The following UNC13C variants were observed in gnomAD, a reference collection of about 807,000 sequenced individuals.
The protein encoded by UNC13C is unc-13 homolog C, also known as protein unc-13 homolog C.
UNC13C carries 174 observed loss-of-function variants against 245.4 expected under a neutral mutation model. That is an observed-to-expected ratio of 0.71 (90% CI 0.63 to 0.80). The LOEUF (loss-of-function observed/expected upper bound fraction) is 0.80. Among genes scored for constraint, UNC13C ranks in the 30% least tolerant of loss-of-function variants. UNC13C has a pLI of 0.00. For synonymous variants in UNC13C, 992 were observed against 895.1 expected (o/e 1.11, Z -1.93); for missense variants, 2,829 against 2,602.9 (o/e 1.09, Z -1.89).
At chr15:53,932,326 C>T in the UNC13C span, among the ~76,000 whole-genome samples, 1 of 151,032 alleles carries the variant, frequency 6.6e-6, no homozygotes, top group Non-Finnish European at 1.5e-5. Context: ...ACAACAACAA[C>T]AACAACAACA....
chr15:53,948,892 C>T, the UNC13C span, among the ~76,000 whole-genome samples: 1 of 151,982 alleles, frequency 6.6e-6, no homozygotes, highest in Non-Finnish European at 1.5e-5. Context: ...AGAGGGGAAT[C>T]CAGAGCCTTG....
chr15:54,123,123 T>C (rs2030792256), intron 2 of UNC13C, among the ~76,000 whole-genome samples: 1 of 151,994 alleles, frequency 6.6e-6, no homozygotes, highest in Non-Finnish European at 1.5e-5. Flanking sequence ...TGTCAGTCTT[T>C]TTAATTGCAG....
At chr15:54,245,409 A>C (rs906437810) in intron 7 of UNC13C, among the ~76,000 whole-genome samples, 3 of 152,110 alleles carry the variant, frequency 2.0e-5, no homozygotes, top group Non-Finnish European at 2.9e-5. Flanking sequence ...ATGTTAATTT[A>C]TATCTGTTAT....
chr15:54,616,707 A>G (rs2899547), intron 30 of UNC13C, among the ~76,000 whole-genome samples: 66,842 of 151,888 alleles, frequency 0.44, 16,173 homozygotes, highest in East Asian at 0.62. Flanking sequence ...TTTACAAAGT[A>G]AAAGGTTACA....
intron 19 of UNC13C, among the ~76,000 whole-genome samples, chr15:54,421,930 G>A (rs2040653255): frequency 6.6e-6 from 1 of 151,948 alleles, no homozygotes; most frequent in Non-Finnish European, 1.5e-5. Context: ...CATGATCCCT[G>A]CCTTGAGAAA....
intron 12 of UNC13C, among the ~76,000 whole-genome samples, chr15:54,298,448 G>A (rs752482961): frequency 1.2e-4 from 19 of 152,112 alleles, no homozygotes; most frequent in Non-Finnish European, 2.4e-4. Flanking sequence ...AATGTAATAA[G>A]CAGTTAATTT....
chr15:53,982,292 G>A (rs921185403), intron 1 of UNC13C, among the ~76,000 whole-genome samples: 2 of 151,956 alleles, frequency 1.3e-5, no homozygotes, highest in Non-Finnish European at 2.9e-5. Context: ...CTTTTTGATG[G>A]GGAAAAAGTG....
intron 23 of UNC13C, among the ~76,000 whole-genome samples, chr15:54,507,913 T>C (rs1214522645): frequency 1.3e-5 from 2 of 151,406 alleles, no homozygotes; most frequent in African/African-American, 2.4e-5. Flanking sequence ...GAAAAACCAG[T>C]TTTTTCCCCC....
At chr15:53,845,501 A>G in the UNC13C span, among the ~76,000 whole-genome samples, 1 of 152,144 alleles carries the variant, frequency 6.6e-6, no homozygotes, top group Non-Finnish European at 1.5e-5. Context: ...ACAATGTCCT[A>G]TGATATGAAG....
chr15:54,381,716 T>C (rs1026068856), intron 17 of UNC13C, among the ~76,000 whole-genome samples: 1 of 152,086 alleles, frequency 6.6e-6, no homozygotes, highest in African/African-American at 2.4e-5. Context: ...ATTATATATA[T>C]GCACCCAGAT....
chr15:54,084,540 A>G (rs1273278775), intron 2 of UNC13C, among the ~76,000 whole-genome samples: 3 of 152,148 alleles, frequency 2.0e-5, no homozygotes, highest in African/African-American at 7.2e-5. Flanking sequence ...TGTCCCCTTT[A>G]TGGCCATTGC....
chr15:54,360,701 C>A (rs1043407732), intron 17 of UNC13C, among the ~76,000 whole-genome samples: 2 of 152,030 alleles, frequency 1.3e-5, no homozygotes, highest in Non-Finnish European at 2.9e-5. Flanking sequence ...TGGGAAAGTT[C>A]TCTCTCCTGT....
chr15:53,895,345 CAAAA>C, the UNC13C span, among the ~76,000 whole-genome samples: 4 of 34,262 alleles, frequency 1.2e-4, no homozygotes, highest in African/African-American at 3.3e-4. Context: ...GATTTCATCT[CAAAA>C]AAAAAAAAAA....
chr15:54,588,223 G>A (rs1253024708), intron 30 of UNC13C, among the ~76,000 whole-genome samples: 1 of 152,202 alleles, frequency 6.6e-6, no homozygotes, highest in Non-Finnish European at 1.5e-5. Flanking sequence ...ATTATCTGCT[G>A]AAATGCAACA....
intron 2 of UNC13C, among the ~76,000 whole-genome samples, chr15:54,069,905 T>C (rs1898240617): frequency 6.6e-6 from 1 of 152,238 alleles, no homozygotes; most frequent in South Asian, 2.1e-4. Context: ...ATGAAGAGAA[T>C]AAGCAGTAAA....
chr15:54,450,729 G>A (rs1891125671), intron 19 of UNC13C, among the ~76,000 whole-genome samples: 1 of 152,190 alleles, frequency 6.6e-6, no homozygotes, highest in Non-Finnish European at 1.5e-5. Context: ...CGGTTGAGGT[G>A]ATGCCTTGCC....
intron 4 of UNC13C, among the ~76,000 whole-genome samples, chr15:54,177,142 G>A (rs2033642264): frequency 6.6e-6 from 1 of 152,014 alleles, no homozygotes; most frequent in Non-Finnish European, 1.5e-5. Context: ...CAAACAGCAG[G>A]GACATATAAT....
At chr15:53,969,200 C>G in the UNC13C span, among the ~76,000 whole-genome samples, 8 of 152,054 alleles carry the variant, frequency 5.3e-5, no homozygotes, top group Non-Finnish European at 7.4e-5. Context: ...GGCAAGATAA[C>G]TGACTATTGA....
the UNC13C span, among the ~76,000 whole-genome samples, chr15:53,865,907 A>T: frequency 1.3e-5 from 2 of 152,196 alleles, no homozygotes; most frequent in Non-Finnish European, 2.9e-5. Context: ...TCAAGCCAAA[A>T]GAAAAGTGTG....
Sources: allele counts gnomAD v4.1 joint callset (sites outside exome capture counted in the v4.1 genomes callset), GRCh38; gene constraint gnomAD v4.1.1; transcripts MANE v1.5; gene names NCBI Gene and HGNC (gene_info 2026-07-23, HGNC 2026-07-21).